Variants in LARS2 observed in about 807,000 individuals in gnomAD.
The protein encoded by LARS2 is leucine--tRNA ligase, mitochondrial.
In LARS2, 81 loss-of-function variants were observed where a neutral mutation model predicts 116.6. The observed-to-expected ratio is 0.69, with a 90% CI of 0.58 to 0.84. The LOEUF is 0.84. Among genes scored for constraint, LARS2 ranks in the 40% least tolerant of loss-of-function variants. The probability of loss-of-function intolerance (pLI) is 0.00; values close to 1 mark genes in which losing one functional copy is unlikely to be tolerated. For missense variants in LARS2, 968 were observed against 1,114.5 expected (o/e 0.87, Z 1.87); for synonymous variants, 396 against 407.2 (o/e 0.97, Z 0.33).
intron 6 of LARS2, among the ~76,000 whole-genome samples, chr3:45,435,384 C>G (rs1206350345): frequency 6.6e-6 from 1 of 152,214 alleles, no homozygotes; most frequent in African/African-American, 2.4e-5. Flanking sequence ...AAGGAGGTTT[C>G]AATGCCTTAT....
chr3:45,526,560 C>T (rs372250135), intron 20 of LARS2, among the ~76,000 whole-genome samples: 3 of 152,004 alleles, frequency 2.0e-5, no homozygotes, highest in South Asian at 2.1e-4. Context: ...TCCTGCTTAT[C>T]GGTAGACAAA....
intron 6 of LARS2, among the ~76,000 whole-genome samples, chr3:45,420,241 C>T (rs138709853): frequency 5.3e-5 from 8 of 152,340 alleles, no homozygotes; most frequent in East Asian, 3.9e-4. Context: ...TCCAGACCCA[C>T]GAGGAGTTCA....
intron 8 of LARS2, among the ~76,000 whole-genome samples, chr3:45,460,187 A>G (rs1421685805): frequency 6.6e-6 from 1 of 152,244 alleles, no homozygotes; most frequent in African/African-American, 2.4e-5. Flanking sequence ...AGCAGAGAAT[A>G]GCATATGGAT....
chr3:45,440,120 C>A (rs532726226), intron 6 of LARS2, among the ~76,000 whole-genome samples: 1 of 152,298 alleles, frequency 6.6e-6, no homozygotes, highest in East Asian at 1.9e-4. Context: ...CCTCTTCCAA[C>A]GCCGCAGGTG....
At chr3:45,454,329 T>G (rs1004783687) in intron 7 of LARS2, among the ~76,000 whole-genome samples, 18 of 152,166 alleles carry the variant, frequency 1.2e-4, no homozygotes, top group Non-Finnish European at 7.4e-5. Flanking sequence ...TCCTTTGTGT[T>G]TGTTGTGTTA....
At chr3:45,396,243 T>C (rs760064401) in intron 3 of LARS2, among the ~76,000 whole-genome samples, 3 of 152,178 alleles carry the variant, frequency 2.0e-5, no homozygotes, top group Non-Finnish European at 2.9e-5. Context: ...AGGGTTTGAA[T>C]CAAGGAATGG....
intron 15 of LARS2, among the ~76,000 whole-genome samples, chr3:45,501,164 A>ATTTTTTTTTTTTTTTTT (rs1553635968): frequency 7.0e-6 from 1 of 143,342 alleles, no homozygotes; most frequent in Non-Finnish European, 1.5e-5. Flanking sequence ...TTAAATATGG[A>ATTTTTTTTTTTTTTTTT]ATTTTTATAT....
chr3:45,492,937 C>G (rs1203798332), intron 13 of LARS2, among the ~76,000 whole-genome samples: 2 of 152,150 alleles, frequency 1.3e-5, no homozygotes, highest in Non-Finnish European at 2.9e-5. Context: ...AGCACACCCT[C>G]TTTGTTGATA....
chr3:45,389,408 G>T (rs963025134), intron 1 of LARS2, among the ~76,000 whole-genome samples: 1 of 152,182 alleles, frequency 6.6e-6, no homozygotes, highest in African/African-American at 2.4e-5. Context: ...TCAGCAGCCC[G>T]TCAGCTCTGC....
chr3:45,504,481 T>G (rs1700170105), intron 15 of LARS2, among the ~76,000 whole-genome samples: 1 of 151,984 alleles, frequency 6.6e-6, no homozygotes, highest in African/African-American at 2.4e-5. Context: ...ATGCTTAAAA[T>G]AAATTTATTC....
intron 4 of LARS2, among the ~76,000 whole-genome samples, chr3:45,416,889 A>T (rs1213877741): frequency 1.3e-5 from 2 of 152,004 alleles, no homozygotes; most frequent in Non-Finnish European, 2.9e-5. Flanking sequence ...CCTGGCTGAC[A>T]TGGTGAAACC....
At chr3:45,508,372 A>G (rs948974867) in intron 15 of LARS2, among the ~76,000 whole-genome samples, 12 of 152,074 alleles carry the variant, frequency 7.9e-5, no homozygotes, top group African/African-American at 2.9e-4. Context: ...GTCCTGCTGT[A>G]TTAGTAAACC....
chr3:45,459,642 C>T (rs148778980), intron 8 of LARS2, among the ~76,000 whole-genome samples: 61 of 152,302 alleles, frequency 4.0e-4, no homozygotes, highest in African/African-American at 1.4e-3. Flanking sequence ...AAAATCGGTT[C>T]TGTAGGTACT....
chr3:45,402,676 A>G (rs938223860), intron 4 of LARS2, among the ~76,000 whole-genome samples: 9 of 152,236 alleles, frequency 5.9e-5, no homozygotes, highest in Non-Finnish European at 1.0e-4. Context: ...TGAAGAGTTA[A>G]ATAACTTTAT....
chr3:45,447,741 A>C (rs1699046183), intron 7 of LARS2, among the ~76,000 whole-genome samples: 1 of 152,168 alleles, frequency 6.6e-6, no homozygotes, highest in African/African-American at 2.4e-5. Context: ...GGGTTCTTGG[A>C]AAGATTAAAG....
chr3:45,414,552 C>T (rs1427235460), intron 4 of LARS2, among the ~76,000 whole-genome samples: 3 of 152,050 alleles, frequency 2.0e-5, no homozygotes, highest in Non-Finnish European at 4.4e-5. Flanking sequence ...TGAACATAAG[C>T]CTAGCTTCTC....
At chr3:45,491,984 C>T (rs1003253436) in intron 13 of LARS2, among the ~76,000 whole-genome samples, 184 bp downstream of exon 13, 1 of 152,336 alleles carries the variant, frequency 6.6e-6, no homozygotes, top group African/African-American at 2.4e-5. Flanking sequence ...TGTGGCCCTG[C>T]CTCTGCAATG....
Position 45,516,093 on chromosome 3 carries a change from G to GGTTCC in LARS2, c.1867_1871dup (p.Val625PhefsTer11). On this transcript the variant is annotated frameshift_variant and splice_region_variant. Transcript: ENST00000645846. LOFTEE classifies it high-confidence loss of function. ...TACCTATGGATTATTTTGGCATCTA[G>GGTTCC]GTTCCGTTCCTGTTCATGCAAAAAC... 1 of 1,613,526 alleles carries GGTTCC rather than the reference G, an allele frequency of 6.2e-7. No homozygotes were observed. The highest frequency in any genetic ancestry group is 1.1e-5 in the South Asian group (1 of 91,006).
At position 45,394,463 on chromosome 3, in the gene LARS2, G is replaced by A. The variant is rs760845178; in HGVS notation, c.10G>A (p.Val4Ile). 1.2e-6 allele frequency: 2 copies of A among 1,613,986 alleles called. No homozygotes were observed. The highest frequency in any genetic ancestry group is 4.5e-5 in the East Asian group (2 of 44,880). MAS[V>I]WQRLGFYASL... ...TCTCACCTTCTGAAGAATGGCTTCT[G>A]TTTGGCAGAGATTGGGTTTTTATGC... Residue 4 changes from valine (V) to isoleucine (I), a missense_variant, in exon 3 of 22, where the codon GTT (valine) becomes ATT (isoleucine). Physicochemically the swap from Val to Ile is conservative, Grantham distance 29. Coordinates refer to ENST00000645846, the MANE Select transcript of LARS2 (RefSeq NM_015340.4).
Sources: gnomAD v4.1 joint callset for allele counts (sites outside exome capture counted in the v4.1 genomes callset) on GRCh38, gnomAD v4.1.1 for gene constraint, MANE v1.5 for transcripts, NCBI Gene and HGNC (gene_info 2026-07-23, HGNC 2026-07-21) for gene names.